The following ATP11B variants were observed in gnomAD, a reference collection of about 807,000 sequenced individuals.
ATP11B encodes the protein ATPase phospholipid transporting 11B (putative), also known as phospholipid-transporting ATPase IF.
A neutral mutation model predicts 157.8 loss-of-function variants in ATP11B; 81 were observed. The ratio of observed to expected loss-of-function variants is 0.51; its 90% CI spans 0.43 to 0.62. The LOEUF is 0.62. Ranked by LOEUF, ATP11B falls within the 20% of genes least tolerant of loss-of-function variation. The probability of loss-of-function intolerance (pLI) is 0.00; values close to 1 mark genes in which losing one functional copy is unlikely to be tolerated. For missense variants in ATP11B, 1,165 were observed against 1,402.2 expected, an observed-to-expected ratio of 0.83 and a Z score of 2.70; for synonymous variants, 451 against 469.4, an observed-to-expected ratio of 0.96 and a Z score of 0.51.
chr3:182,810,195 C>T (rs1012806021), intron 1 of ATP11B, among the ~76,000 whole-genome samples: 3 of 151,908 alleles, frequency 2.0e-5, no homozygotes, highest in African/African-American at 7.3e-5. Context: ...AGCCTGGCAT[C>T]GTGGTGGGTG....
At chr3:182,900,473 G>T (rs1010490108) in intron 28 of ATP11B, among the ~76,000 whole-genome samples, 3 of 152,052 alleles carry the variant, frequency 2.0e-5, no homozygotes, top group Non-Finnish European at 2.9e-5. Flanking sequence ...AAAACAATTT[G>T]CATAATCTGA....
chr3:182,802,706 G>A (rs1320495238), intron 1 of ATP11B, among the ~76,000 whole-genome samples: 3 of 151,962 alleles, frequency 2.0e-5, no homozygotes, highest in Non-Finnish European at 4.4e-5. Flanking sequence ...CTTCCCTGTT[G>A]CCTTTCCTTG....
intron 17 of ATP11B, among the ~76,000 whole-genome samples, chr3:182,871,854 C>T (rs188573415): frequency 2.7e-5 from 4 of 150,808 alleles, no homozygotes; most frequent in Admixed American, 6.6e-5. Flanking sequence ...CTCGCTCTTT[C>T]GCCCAGGCTG....
Position 182,810,778 on chromosome 3 carries a change from A to T in ATP11B, c.28-9482A>T, listed in dbSNP as rs570893866. 2.0e-5 allele frequency among the ~76,000 whole-genome samples: 3 copies of T among 152,312 alleles called. No individual in the cohort carries two copies. The South Asian group carries it at 6.2e-4, about 32-fold the overall frequency. ...GTACTGTCTGTACTGCTCATGTGAGATAAGCAGCACCTTCTAACTTGAGAG... is the reference window on the plus strand; with the variant it reads ...GTACTGTCTGTACTGCTCATGTGAGTTAAGCAGCACCTTCTAACTTGAGAG... On this transcript the variant is annotated intron_variant, in intron 1 of 29. Transcript: ENST00000323116.
intron 11 of ATP11B, 43 bp downstream of exon 11, chr3:182,858,071 A>G (rs751824556): frequency 1.3e-6 from 2 of 1,545,328 alleles, no homozygotes; most frequent in Non-Finnish European, 1.8e-6. Context: ...GGAAACTATT[A>G]CTTGGCACGA....
chr3:182,912,269 T>C (rs886372365), intron 28 of ATP11B, among the ~76,000 whole-genome samples: 3 of 152,168 alleles, frequency 2.0e-5, no homozygotes, highest in African/African-American at 7.2e-5. Context: ...TAATATTTGC[T>C]GGTTGGTGGG....
intron 29 of ATP11B, 125 bp downstream of exon 29, chr3:182,914,119 T>A: frequency 6.6e-7 from 1 of 1,517,318 alleles, no homozygotes; most frequent in South Asian, 1.3e-5. Flanking sequence ...GGAAGTCTGC[T>A]ATTTATTAGC....
chr3:182,901,862 G>A (rs891004158), intron 28 of ATP11B, among the ~76,000 whole-genome samples: 1 of 152,046 alleles, frequency 6.6e-6, no homozygotes, highest in East Asian at 1.9e-4. Flanking sequence ...AAAATGGAAT[G>A]TACAGTGCAT....
At chr3:182,847,954 A>G (rs1719665977) in intron 9 of ATP11B, among the ~76,000 whole-genome samples, 2 of 152,176 alleles carry the variant, frequency 1.3e-5, no homozygotes, top group South Asian at 2.1e-4. Flanking sequence ...ATAGGCGCAC[A>G]TTTTTTAAAT....
rs201786686 is a variant in ATP11B at position 182,869,166 on chromosome 3, C to T, written c.1762+15C>T. 98 of 1,604,156 alleles carry T rather than the reference C, an allele frequency of 6.1e-5. No individual in the cohort carries two copies. The Admixed American group carries it at 1.6e-3, about 26-fold the overall frequency. On this transcript the variant is annotated intron_variant, in intron 16 of 29. Transcript: ENST00000323116. ...GGCACCTTCAGGTAACCAATCTAAA[C>T]TTTCATGAATTTTTATTTATGTAAT...
intron 28 of ATP11B, among the ~76,000 whole-genome samples, chr3:182,911,406 TATAATC>T (rs142695710): frequency 0.054 from 8,191 of 151,890 alleles, 274 homozygotes; most frequent in Non-Finnish European, 0.082. Flanking sequence ...GTCTGCCTCT[TATAATC>T]ATAAGGCAGG....
chr3:182,819,253 A>G (rs1188199600), intron 1 of ATP11B, among the ~76,000 whole-genome samples: 2 of 151,710 alleles, frequency 1.3e-5, no homozygotes, highest in Non-Finnish European at 2.9e-5. Context: ...TGTATTTTTT[A>G]GTAGAGACGG....
At chr3:182,890,375 A>G (rs1424155389) in intron 25 of ATP11B, among the ~76,000 whole-genome samples, 3 of 152,230 alleles carry the variant, frequency 2.0e-5, no homozygotes, top group Admixed American at 6.5e-5. Flanking sequence ...TTGGAAGAAT[A>G]TAAAGTTTTA....
In ATP11B at chr3:182,921,326, G is replaced by C. The variant is rs1305484787; in HGVS notation, c.*3222G>C. The stretch of plus-strand genomic sequence containing the variant: ...AAATGAGTTATCTATTTTCATAAAA[G>C]TAAAACACTATTAAAGTGCTGTTTT... On this transcript the variant is annotated 3_prime_UTR_variant, in exon 30 of 30. Coordinates refer to ENST00000323116, the MANE Select transcript of ATP11B (RefSeq NM_014616.3). 1.4e-5 allele frequency: 2 copies of C among 146,214 alleles called. No individual in the cohort carries two copies. Among genetic ancestry groups the C allele is most frequent in the South Asian group, 2.1e-4 (1 of 4,826 alleles). 9.1% of individuals were successfully genotyped at this position (146,214 alleles called of 1,614,324 possible).
intron 15 of ATP11B, among the ~76,000 whole-genome samples, chr3:182,868,429 C>T (rs1037999512): frequency 2.6e-4 from 39 of 151,086 alleles, no homozygotes; most frequent in African/African-American, 9.0e-4. Context: ...ATTCAACTCA[C>T]TGTTTTTCTT....
chr3:182,842,064 T>G lies in ATP11B; in HGVS notation c.657-11T>G. 1.3e-6 allele frequency: 2 copies of G among 1,591,116 alleles called. No homozygotes were observed. The highest frequency in any genetic ancestry group is 1.7e-6 in the Non-Finnish European group (2 of 1,162,106). On this transcript the variant is annotated splice_polypyrimidine_tract_variant and intron_variant, in intron 7 of 29. Transcript: ENST00000323116. ...ATATTATATGTTTTTGTAATGTGAATTTTTTGATAGATTCATGGGACGAAT... is the reference window on the plus strand; with the variant it reads ...ATATTATATGTTTTTGTAATGTGAAGTTTTTGATAGATTCATGGGACGAAT...
chr3:182,902,042 CT>C (rs1018535246), intron 28 of ATP11B, among the ~76,000 whole-genome samples: 2 of 151,520 alleles, frequency 1.3e-5, no homozygotes, highest in Non-Finnish European at 2.9e-5. Flanking sequence ...TTTTCCTTTC[CT>C]TTTTTTTGCT....
intron 8 of ATP11B, among the ~76,000 whole-genome samples, chr3:182,842,609 ACCCACAATTAGAAAGGTG>A (rs1197724843): frequency 6.6e-6 from 1 of 151,984 alleles, no homozygotes; most frequent in African/African-American, 2.4e-5. Flanking sequence ...TGGCCTTAAG[ACCCACAATTAGAAAGGTG>A]GGGGAAGAGT....
chr3:182,856,148 A>G (rs1347098644), intron 10 of ATP11B, among the ~76,000 whole-genome samples: 1 of 152,160 alleles, frequency 6.6e-6, no homozygotes, highest in Non-Finnish European at 1.5e-5. Flanking sequence ...AGAAATCTTT[A>G]TTGAGCTTTT....
Sources: gnomAD v4.1 joint callset for allele counts (sites outside exome capture counted in the v4.1 genomes callset) on GRCh38, gnomAD v4.1.1 for gene constraint, MANE v1.5 for transcripts, NCBI Gene and HGNC (gene_info 2026-07-23, HGNC 2026-07-21) for gene names.